DIP2C: variants seen among roughly 807,000 people sequenced by gnomAD.
DIP2C encodes DIP2 acetate--CoA ligase C (putative).
DIP2C carries 33 observed loss-of-function variants against 192.4 expected under a neutral mutation model. The observed-to-expected ratio is 0.17, with a 90% CI of 0.13 to 0.23. The LOEUF (loss-of-function observed/expected upper bound fraction) is 0.23. DIP2C is among the 10% of genes least tolerant of loss of function. The pLI is 1.00. For synonymous variants in DIP2C, 979 were observed against 864.1 expected, an observed-to-expected ratio of 1.13 and a Z score of -2.33; for missense variants, 1,537 against 2,110.1, an observed-to-expected ratio of 0.73 and a Z score of 5.32.
chr10:312,308 C>T (rs1226439388), intron 31 of DIP2C, among the ~76,000 whole-genome samples: 1 of 152,202 alleles, frequency 6.6e-6, no homozygotes, highest in Non-Finnish European at 1.5e-5. Context: ...TCAACTTGGG[C>T]AAGCTCCTTG....
At position 439,946 on chromosome 10, in the gene DIP2C, G is replaced by A. The variant is rs537836427; in HGVS notation, c.394+925C>T. 1.8e-3 allele frequency among the ~76,000 whole-genome samples: 267 copies of A among 152,278 alleles called. 3 individuals carry two copies. Among genetic ancestry groups the A allele is most frequent in the African/African-American group, 6.1e-3 (252 of 41,546 alleles). ...TGTGTAGCTTCAAAGTGGGATGTAA[G>A]GTGATTTAGGTCCTTTGAGAAGACA... On this transcript the variant is annotated intron_variant, in intron 4 of 36. Coordinates refer to ENST00000280886, the MANE Select transcript of DIP2C (RefSeq NM_014974.3).
At chr10:421,547 T>TG (rs1332426356) in intron 5 of DIP2C, among the ~76,000 whole-genome samples, 7 of 152,226 alleles carry the variant, frequency 4.6e-5, no homozygotes, top group African/African-American at 1.7e-4. Context: ...CACACATTCC[T>TG]GTTCATTGTT....
chr10:358,459 TGTTATACTGACTGAAAAG>T (rs1056421142), intron 22 of DIP2C, among the ~76,000 whole-genome samples: 5 of 147,362 alleles, frequency 3.4e-5, no homozygotes, highest in Non-Finnish European at 6.0e-5. Flanking sequence ...CTTCTCGGTA[TGTTATACTGACTGAAAAG>T]GTCTTAGGTT....
At chr10:577,800 TTTTG>T (rs1850263269) in intron 1 of DIP2C, among the ~76,000 whole-genome samples, 2 of 150,682 alleles carry the variant, frequency 1.3e-5, no homozygotes, top group South Asian at 2.1e-4. Flanking sequence ...AGATGTTTTG[TTTTG>T]TTTCTTTTGT....
chr10:380,513 T>C (rs1269068763), intron 17 of DIP2C, among the ~76,000 whole-genome samples: 2 of 152,190 alleles, frequency 1.3e-5, no homozygotes, highest in Non-Finnish European at 2.9e-5. Context: ...AGGACACAAA[T>C]GCTTAGATCA....
intron 29 of DIP2C, among the ~76,000 whole-genome samples, chr10:331,319 T>C (rs1237655709): frequency 2.0e-5 from 3 of 152,240 alleles, no homozygotes; most frequent in Admixed American, 6.5e-5. Flanking sequence ...ACCCTTAGTA[T>C]GAAAAACTAC....
chr10:553,820 G>A (rs971734890), intron 1 of DIP2C, among the ~76,000 whole-genome samples: 1 of 152,032 alleles, frequency 6.6e-6, no homozygotes, highest in Non-Finnish European at 1.5e-5. Flanking sequence ...TGGCGAACAG[G>A]CAAGAAATAT....
rs527916848 is a variant in DIP2C, at chr10:636,741, C to T, written c.85+52753G>A. Among the ~76,000 whole-genome samples the T allele has an allele frequency of 1.3e-5, 2 of 152,338 alleles. No individual in the cohort carries two copies. The highest frequency in any genetic ancestry group is 6.5e-5 in the Admixed American group (1 of 15,306). On this transcript the variant is annotated intron_variant, in intron 1 of 36. Coordinates refer to ENST00000280886, the MANE Select transcript of DIP2C (RefSeq NM_014974.3). This position sits in a 1 kb window ranked among gnomAD's most constrained non-coding sequence, Gnocchi z 4.6. The stretch of plus-strand genomic sequence containing the variant: ...TGACTTTTCGAGAGTCTGGGGCCAA[C>T]GTCCTGCAGAACGTCCCCCAGATGC...
At chr10:526,863 G>T (rs1847086453) in intron 1 of DIP2C, among the ~76,000 whole-genome samples, 1 of 152,208 alleles carries the variant, frequency 6.6e-6, no homozygotes. Context: ...TGTCCTGCCA[G>T]TCCCCGGCAG....
intron 2 of DIP2C, among the ~76,000 whole-genome samples, chr10:474,508 G>A (rs1024441018): frequency 1.3e-5 from 2 of 152,104 alleles, no homozygotes; most frequent in East Asian, 1.9e-4. Context: ...TGGAGCCCCC[G>A]CCCCAGTCCC....
intron 1 of DIP2C, among the ~76,000 whole-genome samples, chr10:539,833 A>C (rs994477591): frequency 6.6e-6 from 1 of 152,238 alleles, no homozygotes; most frequent in Non-Finnish European, 1.5e-5. Context: ...AAAAACAGCT[A>C]TATCATAGAA....
chr10:495,319 T>C (rs1475555238), intron 1 of DIP2C, among the ~76,000 whole-genome samples: 1 of 152,172 alleles, frequency 6.6e-6, no homozygotes, highest in Non-Finnish European at 1.5e-5. Flanking sequence ...CTACAGTTAA[T>C]AACAATGTAC....
At chr10:569,944 G>A (rs536588457) in intron 1 of DIP2C, among the ~76,000 whole-genome samples, 44 of 152,290 alleles carry the variant, frequency 2.9e-4, no homozygotes, top group Non-Finnish European at 4.7e-4. Flanking sequence ...CAGTGCTTCT[G>A]GCAGCCAAGT....
chr10:595,107 A>G (rs1356136643), intron 1 of DIP2C, among the ~76,000 whole-genome samples: 5 of 152,186 alleles, frequency 3.3e-5, no homozygotes, highest in African/African-American at 9.7e-5. Flanking sequence ...TCGGGACAAG[A>G]GGTAAAATGG....
At chr10:492,620 GCACA>G (rs1844527459) in intron 1 of DIP2C, among the ~76,000 whole-genome samples, 2 of 152,096 alleles carry the variant, frequency 1.3e-5, no homozygotes, top group Admixed American at 6.5e-5. Flanking sequence ...ACACACACAC[GCACA>G]CAAATATTTA....
chr10:424,866 G>A (rs535944842), intron 4 of DIP2C, among the ~76,000 whole-genome samples: 6 of 152,156 alleles, frequency 3.9e-5, no homozygotes, highest in Admixed American at 1.3e-4. Context: ...ATATGATATA[G>A]ACACTCAACA....
At chr10:683,681 G>A (rs537883352) in intron 1 of DIP2C, among the ~76,000 whole-genome samples, 1 of 152,200 alleles carries the variant, frequency 6.6e-6, no homozygotes, top group East Asian at 1.9e-4. Flanking sequence ...GATGAGAAGA[G>A]CAAGAAATGA....
At chr10:366,499 A>ATTAAGG in intron 18 of DIP2C, 88 bp from the exon 19 acceptor site, 1 of 1,574,624 alleles carries the variant, frequency 6.4e-7, no homozygotes, top group Non-Finnish European at 8.6e-7. Flanking sequence ...TATGAACGAC[A>ATTAAGG]CCAGTGAACA....
intron 10 of DIP2C, among the ~76,000 whole-genome samples, chr10:392,771 ACT>A (rs545387787): frequency 6.5e-4 from 99 of 151,332 alleles, no homozygotes; most frequent in Middle Eastern, 6.8e-3. Context: ...CACACTTAAC[ACT>A]CTCACACGCG....
Sources: gnomAD v4.1 joint callset for allele counts (sites outside exome capture counted in the v4.1 genomes callset) on GRCh38, gnomAD v4.1.1 for gene constraint, Gnocchi (gnomAD v3.1) non-coding constraint, MANE v1.5 for transcripts, NCBI Gene and HGNC (gene_info 2026-07-23, HGNC 2026-07-21) for gene names.